Variants in RSPO3 observed in about 807,000 individuals in gnomAD.
RSPO3 encodes the protein R-spondin-3.
A neutral mutation model predicts 36.5 loss-of-function variants in RSPO3; 17 were observed. The ratio of observed to expected loss-of-function variants is 0.47; its 90% confidence interval spans 0.32 to 0.70. RSPO3 has a LOEUF of 0.70. Among genes scored for constraint, RSPO3 ranks in the 30% least tolerant of loss-of-function variants. The probability of loss-of-function intolerance (pLI) is 0.04; values close to 1 mark genes in which losing one functional copy is unlikely to be tolerated. For synonymous variants in RSPO3, 108 were observed against 107.0 expected, an observed-to-expected ratio of 1.01 and a Z score of -0.06; for missense variants, 294 against 322.5, an observed-to-expected ratio of 0.91 and a Z score of 0.68.
intron 4 of RSPO3, among the ~76,000 whole-genome samples, chr6:127,176,927 GT>G (rs1240128746): frequency 4.6e-5 from 7 of 151,674 alleles, no homozygotes; most frequent in Non-Finnish European, 1.0e-4. Context: ...AACACAACTT[GT>G]TTTTTCCTTC....
At chr6:127,194,441 G>A (rs77387555) in intron 4 of RSPO3, among the ~76,000 whole-genome samples, 22,266 of 152,136 alleles carry the variant, frequency 0.15, 2,154 homozygotes, top group Non-Finnish European at 0.21. Flanking sequence ...TTGAATCTAG[G>A]TAATTTCTCA....
chr6:127,184,930 T>TA (rs1376259707), intron 4 of RSPO3, among the ~76,000 whole-genome samples: 1 of 151,844 alleles, frequency 6.6e-6, no homozygotes, highest in Non-Finnish European at 1.5e-5. Flanking sequence ...CATTTATATA[T>TA]AAAAAATATA....
intron 4 of RSPO3, among the ~76,000 whole-genome samples, chr6:127,170,603 C>A (rs1774916712): frequency 6.6e-6 from 1 of 151,548 alleles, no homozygotes; most frequent in African/African-American, 2.4e-5. Context: ...TTTACAATAG[C>A]TAAAAGTTGG....
At chr6:127,151,704 C>T (rs1774493773) in intron 3 of RSPO3, among the ~76,000 whole-genome samples, 1 of 151,948 alleles carries the variant, frequency 6.6e-6, no homozygotes, top group African/African-American at 2.4e-5. Flanking sequence ...ATTTTAGAAG[C>T]ATCTGGAAAA....
intron 4 of RSPO3, among the ~76,000 whole-genome samples, chr6:127,158,764 A>C (rs1306374407): frequency 6.6e-6 from 1 of 152,138 alleles, no homozygotes; most frequent in East Asian, 1.9e-4. Flanking sequence ...CCTTACATTT[A>C]AATTATCTCA....
At chr6:127,124,828 A>C (rs1279995553) in intron 1 of RSPO3, among the ~76,000 whole-genome samples, 2 of 152,076 alleles carry the variant, frequency 1.3e-5, no homozygotes, top group Non-Finnish European at 2.9e-5. Flanking sequence ...TGATTAAAGT[A>C]GTCATCCAGC....
intron 1 of RSPO3, among the ~76,000 whole-genome samples, chr6:127,126,397 T>C (rs1307513268): frequency 1.3e-5 from 2 of 152,118 alleles, no homozygotes; most frequent in East Asian, 3.9e-4. Context: ...TAACATTAAT[T>C]ACATTAAGGT....
At chr6:127,148,541 C>G (rs907235031) in intron 1 of RSPO3, 107 bp from the exon 2 acceptor site, 1 of 792,518 alleles carries the variant, frequency 1.3e-6, no homozygotes, top group African/African-American at 1.7e-5. Context: ...CACCCATTAC[C>G]AACAAATTGA....
chr6:127,146,564 A>T (rs1774388180), intron 1 of RSPO3, among the ~76,000 whole-genome samples: 1 of 152,176 alleles, frequency 6.6e-6, no homozygotes, highest in Non-Finnish European at 1.5e-5. Context: ...GTTTATATTA[A>T]TAATTGATAT....
At chr6:127,158,162 T>G (rs1040437435) in intron 4 of RSPO3, among the ~76,000 whole-genome samples, 2 of 151,826 alleles carry the variant, frequency 1.3e-5, no homozygotes, top group Non-Finnish European at 2.9e-5. Context: ...CTTTATATTT[T>G]TCTATAAAAG....
intron 1 of RSPO3, among the ~76,000 whole-genome samples, chr6:127,144,018 C>G (rs1774330432): frequency 1.3e-5 from 2 of 152,144 alleles, no homozygotes; most frequent in Admixed American, 1.3e-4. Flanking sequence ...TAAAGGTTAT[C>G]AAATAGTAGG....
intron 4 of RSPO3, among the ~76,000 whole-genome samples, chr6:127,172,508 C>T (rs1417490836): frequency 1.3e-5 from 2 of 151,520 alleles, no homozygotes; most frequent in African/African-American, 2.4e-5. Flanking sequence ...ATGAGACCTC[C>T]AGTTACTGCA....
intron 4 of RSPO3, among the ~76,000 whole-genome samples, chr6:127,160,009 A>T (rs4644087): frequency 6.6e-6 from 1 of 151,798 alleles, no homozygotes; most frequent in African/African-American, 2.4e-5. Context: ...AGTGGACAGG[A>T]CTTCCAGTTG....
chr6:127,155,201 T>C, intron 3 of RSPO3, 40 bp from the exon 4 acceptor site: 1 of 1,596,358 alleles, frequency 6.3e-7, no homozygotes, highest in Non-Finnish European at 8.6e-7. Context: ...GTGAAAGTGG[T>C]TGTAAGCCAG....
chr6:127,136,545 T>C (rs1299192166), intron 1 of RSPO3, among the ~76,000 whole-genome samples: 3 of 152,208 alleles, frequency 2.0e-5, no homozygotes, highest in Non-Finnish European at 4.4e-5. Context: ...TTGTACAGCA[T>C]ATAGACACTT....
chr6:127,192,395 T>G (rs1332042602), intron 4 of RSPO3, among the ~76,000 whole-genome samples: 1 of 152,182 alleles, frequency 6.6e-6, no homozygotes, highest in African/African-American at 2.4e-5. Context: ...CCTTATGAAG[T>G]TTAGCAAGAA....
rs533189956 is a variant in RSPO3, at chr6:127,120,753, C to T, written c.97+1464C>T. Among the ~76,000 whole-genome samples the T allele has an allele frequency of 4.1e-4, 62 of 152,382 alleles. 1 individual carries two copies. The highest frequency in any genetic ancestry group is 1.4e-3 in the African/African-American group (58 of 41,594). On this transcript the variant is annotated intron_variant, in intron 1 of 4. Transcript: ENST00000356698. ...TGGCAGTGCCAGAGCGACAGGGGCC[C>T]TGGCCGGGCCTCACCGCCTTTAGGA...
chr6:127,158,022 T>C (rs1434567221), intron 4 of RSPO3, among the ~76,000 whole-genome samples: 1 of 150,616 alleles, frequency 6.6e-6, no homozygotes, highest in Admixed American at 6.6e-5. Flanking sequence ...ATTTATATAA[T>C]ATGTATAATA....
intron 4 of RSPO3, among the ~76,000 whole-genome samples, chr6:127,157,850 A>G (rs914787542): frequency 6.6e-6 from 1 of 151,888 alleles, no homozygotes; most frequent in Non-Finnish European, 1.5e-5. Flanking sequence ...CTAATCCTCC[A>G]GTTTTCTTAA....
Sources: gnomAD v4.1 joint callset for allele counts (sites outside exome capture counted in the v4.1 genomes callset) on GRCh38, gnomAD v4.1.1 for gene constraint, MANE v1.5 for transcripts, NCBI Gene and HGNC (gene_info 2026-07-23, HGNC 2026-07-21) for gene names.